Variants in STX16 observed in about 807,000 individuals in gnomAD.
STX16 encodes the protein syntaxin-16.
In STX16, 28 loss-of-function variants were observed where a neutral mutation model predicts 42.7. That is an observed-to-expected ratio of 0.66 (90% confidence interval 0.49 to 0.90). The LOEUF is 0.90. Ranked by LOEUF, STX16 falls within the 40% of genes least tolerant of loss-of-function variation. STX16 has a pLI of 0.00. For missense variants in STX16, 361 were observed against 420.9 expected (o/e 0.86, Z 1.24); for synonymous variants, 156 against 155.2 (o/e 1.00, Z -0.04).
Position 58,652,374 on chromosome 20 carries a change from C to CT in STX16, c.132+236_132+237insT, listed in dbSNP as rs1007878737. On this transcript the variant is annotated intron_variant, in intron 1 of 8. Coordinates refer to ENST00000371141, the MANE Select transcript of STX16 (RefSeq NM_001001433.3). Reference sequence around the variant, plus strand: ...GTCTTCTCCTCACTTCCGCAGCACCCCCCCCCCCGCACCCCCCGCCTTGGC... The same window carrying CT: ...GTCTTCTCCTCACTTCCGCAGCACCCTCCCCCCCCGCACCCCCCGCCTTGGC... 1.2e-4 allele frequency: 69 copies of CT among 593,592 alleles called. No individual in the cohort carries two copies. The Admixed American group carries it at 1.6e-3, about 13-fold the overall frequency. 36.8% of individuals were successfully genotyped at this position (593,592 alleles called of 1,614,324 possible).
In STX16 at chr20:58,679,143, T is replaced by C. The variant is rs992294515; in HGVS notation, c.*2852T>C. ...CCAAGATTGTAACTGAAAACTGCTG[T>C]CTCTTGTTTTGTTCGTTTTGGGGGT... On this transcript the variant is annotated 3_prime_UTR_variant, in exon 9 of 9. Coordinates refer to ENST00000371141, the MANE Select transcript of STX16 (RefSeq NM_001001433.3). The C allele has an allele frequency of 3.9e-5, 6 of 152,294 alleles. No homozygotes were observed. Among genetic ancestry groups the C allele is most frequent in the African/African-American group, 1.4e-4 (6 of 41,448 alleles). The allele number at this position is 152,294 out of a possible 1,614,324, so 9.4% of individuals were successfully genotyped here.
chr20:58,669,124 T>C (rs1485567926), intron 4 of STX16, among the ~76,000 whole-genome samples, 167 bp from the exon 5 acceptor site: 1 of 152,226 alleles, frequency 6.6e-6, no homozygotes, highest in Non-Finnish European at 1.5e-5. Context: ...GTGAAATCTT[T>C]CTGTGTATAT....
chr20:58,658,974 T>C (rs2083638481), intron 1 of STX16, among the ~76,000 whole-genome samples: 1 of 152,222 alleles, frequency 6.6e-6, no homozygotes, highest in Admixed American at 6.5e-5. Flanking sequence ...TTTTCTTTTA[T>C]TTTGCCACCT....
chr20:58,667,370 A>T, intron 2 of STX16, 120 bp from the exon 3 acceptor site: 1 of 834,366 alleles, frequency 1.2e-6, no homozygotes, highest in East Asian at 2.6e-5. Flanking sequence ...CATTTAAGAG[A>T]GAGTAAACAT....
In STX16 at chr20:58,678,009, A is replaced by G. The variant is rs1222510114; in HGVS notation, c.*1718A>G. 1 of 152,244 alleles carries G rather than the reference A, an allele frequency of 6.6e-6. No individual in the cohort carries two copies. Among genetic ancestry groups the G allele is most frequent in the Non-Finnish European group, 1.5e-5 (1 of 68,080 alleles). 9.4% of individuals were successfully genotyped at this position (152,244 alleles called of 1,614,324 possible). A position where few individuals can be genotyped will look rare whatever the true frequency, so the allele number is the denominator to read the frequency against. On this transcript the variant is annotated 3_prime_UTR_variant, in exon 9 of 9. Transcript: ENST00000371141. ...CCGGAGAATAAGAAGCCAGCACCTCATCAGTCAGCCCTGCAATGTGAGACT... is the reference window on the plus strand; with the variant it reads ...CCGGAGAATAAGAAGCCAGCACCTCGTCAGTCAGCCCTGCAATGTGAGACT...
At chr20:58,654,196 T>C (rs1185324513) in intron 1 of STX16, among the ~76,000 whole-genome samples, 2 of 152,222 alleles carry the variant, frequency 1.3e-5, no homozygotes, top group Non-Finnish European at 2.9e-5. Context: ...TATATTAGTC[T>C]GACCATTTAA....
intron 2 of STX16, among the ~76,000 whole-genome samples, chr20:58,662,574 G>A (rs1293296029): frequency 6.6e-6 from 1 of 152,252 alleles, no homozygotes; most frequent in East Asian, 1.9e-4. Flanking sequence ...GCAGTGGCGC[G>A]ATCTCGGCTC....
chr20:58,652,370 C>T (rs1417935210), intron 1 of STX16: 3 of 568,500 alleles, frequency 5.3e-6, no homozygotes, highest in Admixed American at 2.5e-5. Context: ...ACTTCCGCAG[C>T]ACCCCCCCCC....
chr20:58,672,460 A>G (rs2084003859), intron 7 of STX16, among the ~76,000 whole-genome samples: 1 of 152,134 alleles, frequency 6.6e-6, no homozygotes, highest in Non-Finnish European at 1.5e-5. Flanking sequence ...GGTCCCATCC[A>G]GAATATCTCA....
chr20:58,663,668 A>G (rs2083752350), intron 2 of STX16, among the ~76,000 whole-genome samples: 1 of 151,874 alleles, frequency 6.6e-6, no homozygotes, highest in African/African-American at 2.4e-5. Flanking sequence ...CAGAAGCACA[A>G]ATTTATTTAT....
rs980740175 is a variant in STX16 at position 58,678,936 on chromosome 20, C to T, written c.*2645C>T. ...AGGTAACGATCACCCAGGCCAGTCT[C>T]CTCTGCCTGGGATGCGCCCTCTGAG... On this transcript the variant is annotated 3_prime_UTR_variant, in exon 9 of 9. Transcript: ENST00000371141. 2.6e-5 allele frequency: 4 copies of T among 152,304 alleles called. No individual in the cohort carries two copies. The highest frequency in any genetic ancestry group is 9.6e-5 in the African/African-American group (4 of 41,468). The allele number at this position is 152,304 out of a possible 1,614,324, so 9.4% of individuals were successfully genotyped here.
chr20:58,669,608 A>G (rs1011960046), intron 5 of STX16, among the ~76,000 whole-genome samples, 155 bp downstream of exon 5: 10 of 152,160 alleles, frequency 6.6e-5, no homozygotes, highest in African/African-American at 2.2e-4. Context: ...CCTCCTCCCC[A>G]TGTGAAACCC....
In STX16 at chr20:58,654,134, AG is replaced by A. The variant is rs1307388972; in HGVS notation, c.132+1997del. ...AAACCCAACTAAAAATACATTTCTA[AG>A]AACGTTAAAAAATGTTTTCTAAATG... On this transcript the variant is annotated intron_variant, in intron 1 of 8. Coordinates refer to ENST00000371141, the MANE Select transcript of STX16 (RefSeq NM_001001433.3). 3.9e-5 allele frequency among the ~76,000 whole-genome samples: 6 copies of A among 152,196 alleles called. No individual in the cohort carries two copies. In the South Asian group the frequency reaches 1.0e-3, roughly 26 times the overall value.
chr20:58,652,110 G>A lies in STX16; in HGVS notation c.104G>A (p.Ser35Asn), dbSNP rs927248127. Residue 35 changes from serine to asparagine, a missense_variant, in exon 1 of 9, where the codon AGC (serine) becomes AAC (asparagine). By Grantham distance (46) the Ser-to-Asn change is conservative. Transcript: ENST00000371141. Reference protein sequence around the residue: ...AEQVSSHITSSPLHSRSIAAE... With the variant: ...AEQVSSHITSNPLHSRSIAAE... ...CAAGTGAGTAGTCACATCACCTCCA[G>A]CCCTCTGCATTCACGTAGCATTGCT... is the stretch of plus-strand genomic sequence containing the variant. The A allele has an allele frequency of 1.2e-6, 2 of 1,614,146 alleles. No homozygotes were observed. The highest frequency in any genetic ancestry group is 2.2e-5 in the South Asian group (2 of 91,078).
At chr20:58,664,184 T>C (rs2083764781) in intron 2 of STX16, among the ~76,000 whole-genome samples, 2 of 152,248 alleles carry the variant, frequency 1.3e-5, no homozygotes, top group South Asian at 4.1e-4. Context: ...AGGGTGCTTA[T>C]GTTGCACATA....
In STX16 at chr20:58,669,277, G is replaced by A; in HGVS notation, c.394-14G>A. 6.2e-7 allele frequency: 1 copy of A among 1,608,724 alleles called. No homozygotes were observed. ...CTCCCAGGCTTGCCCTGAGCCTCGG[G>A]CTTGTTCTCTTAGCTCTTCCACAGG... On this transcript the variant is annotated splice_polypyrimidine_tract_variant and intron_variant, in intron 4 of 8. Coordinates refer to ENST00000371141, the MANE Select transcript of STX16 (RefSeq NM_001001433.3).
At chr20:58,675,892 G>A (rs1343704690) in intron 8 of STX16, among the ~76,000 whole-genome samples, 1 of 152,222 alleles carries the variant, frequency 6.6e-6, no homozygotes. Flanking sequence ...AGCAGGCCCA[G>A]CTGCACCCGG....
In STX16 at chr20:58,651,861, C is replaced by A; in HGVS notation, c.-146C>A. On this transcript the variant is annotated 5_prime_UTR_variant, in exon 1 of 9. It adds an upstream start codon to the 5' untranslated region. Coordinates refer to ENST00000371141, the MANE Select transcript of STX16 (RefSeq NM_001001433.3). ...CTCTACGCCTTGGCGAAGCGCACAG[C>A]TGCATCTTTTTGGCTTGAGGCCTGA... is the stretch of plus-strand genomic sequence containing the variant. 1.3e-6 allele frequency: 1 copy of A among 797,688 alleles called. No individual in the cohort carries two copies. The allele number at this position is 797,688 out of a possible 1,614,324, so 49.4% of individuals were successfully genotyped here.
intron 1 of STX16, chr20:58,652,376 C>T (rs1002192299): frequency 3.4e-6 from 2 of 587,112 alleles, no homozygotes. Flanking sequence ...GCAGCACCCC[C>T]CCCCCCGCAC....
Sources: allele counts gnomAD v4.1 joint callset (sites outside exome capture counted in the v4.1 genomes callset), GRCh38; gene constraint gnomAD v4.1.1; transcripts MANE v1.5; gene names NCBI Gene and HGNC (gene_info 2026-07-23, HGNC 2026-07-21).